FOXP1: variants seen among roughly 807,000 people sequenced by gnomAD.
FOXP1 encodes forkhead box protein P1.
In FOXP1, 15 loss-of-function variants were observed where a neutral mutation model predicts 98.2. The ratio of observed to expected loss-of-function variants is 0.15; its 90% confidence interval spans 0.10 to 0.24. The LOEUF (loss-of-function observed/expected upper bound fraction) is 0.24. Among genes scored for constraint, FOXP1 ranks in the 10% least tolerant of loss-of-function variants. The probability of loss-of-function intolerance (pLI) is 1.00; values close to 1 mark genes in which losing one functional copy is unlikely to be tolerated. For missense variants in FOXP1, 633 were observed against 848.5 expected, an observed-to-expected ratio of 0.75 and a Z score of 3.15; for synonymous variants, 371 against 314.5, an observed-to-expected ratio of 1.18 and a Z score of -1.90.
At position 71,571,902 on chromosome 3, in the gene FOXP1, A is replaced by T. The variant is rs575996318; in HGVS notation, c.-298+9647T>A. The T allele has an allele frequency of 1.1e-4, 17 of 152,360 alleles. No individual in the cohort carries two copies. The South Asian group carries it at 3.5e-3, about 32-fold the overall frequency. 9.4% of individuals were successfully genotyped at this position (152,360 alleles called of 1,614,324 possible). A position where few individuals can be genotyped will look rare whatever the true frequency, so the allele number is the denominator to read the frequency against. ...TGGCTTATGCAGCAAGTTTGATAACAGAGATGAAAGTAGACACACACTATT... is the reference window on the plus strand; with the variant it reads ...TGGCTTATGCAGCAAGTTTGATAACTGAGATGAAAGTAGACACACACTATT... On this transcript the variant is annotated intron_variant, in intron 2 of 20. Coordinates refer to ENST00000649528, the MANE Select transcript of FOXP1 (RefSeq NM_001349338.3).
rs1036010621 is a variant in FOXP1, at chr3:71,064,573, G to A, written c.283-10800C>T. On this transcript the variant is annotated intron_variant, in intron 7 of 20. Coordinates refer to ENST00000649528, the MANE Select transcript of FOXP1 (RefSeq NM_001349338.3). ...AGCCAAAGAGCAAGGGGGGTGGGGGGGTATCTCTCTCCAGGACCCACAGGC... is the reference window on the plus strand; with the variant it reads ...AGCCAAAGAGCAAGGGGGGTGGGGGAGTATCTCTCTCCAGGACCCACAGGC... Among the ~76,000 whole-genome samples the A allele has an allele frequency of 1.3e-5, 2 of 151,670 alleles. 1 individual carries two copies. The highest frequency in any genetic ancestry group is 4.2e-4 in the South Asian group (2 of 4,812).
chr3:71,104,216 T>C (rs1023366961), intron 7 of FOXP1, among the ~76,000 whole-genome samples: 1 of 152,132 alleles, frequency 6.6e-6, no homozygotes, highest in Non-Finnish European at 1.5e-5. Flanking sequence ...TCATGATTAT[T>C]TGCTTACATT....
At chr3:71,467,399 C>T (rs1172051581) in intron 3 of FOXP1, among the ~76,000 whole-genome samples, 1 of 152,104 alleles carries the variant, frequency 6.6e-6, no homozygotes, top group African/African-American at 2.4e-5. Flanking sequence ...TAGAAGGATA[C>T]ATGGGTAGGT....
chr3:71,102,711 G>T (rs1011656209), intron 7 of FOXP1, among the ~76,000 whole-genome samples: 4 of 152,106 alleles, frequency 2.6e-5, no homozygotes, highest in African/African-American at 9.7e-5. Flanking sequence ...GGTGTGGTCT[G>T]GTGGTTAGCG....
At chr3:71,252,662 T>C (rs2068294360) in intron 5 of FOXP1, among the ~76,000 whole-genome samples, 4 of 152,184 alleles carry the variant, frequency 2.6e-5, no homozygotes, top group Admixed American at 2.6e-4. Context: ...ACACCCTTAC[T>C]TGACAGGTAC....
At chr3:70,992,632 G>T (rs1426535401) in intron 13 of FOXP1, among the ~76,000 whole-genome samples, 1 of 152,050 alleles carries the variant, frequency 6.6e-6, no homozygotes, top group Non-Finnish European at 1.5e-5. Flanking sequence ...CCCAATCGAA[G>T]AATTTCCCTA....
intron 2 of FOXP1, chr3:71,574,207 A>T (rs186152151): frequency 6.6e-6 from 1 of 152,348 alleles, no homozygotes; most frequent in Non-Finnish European, 1.5e-5. Context: ...CAAACTGTGA[A>T]GTTCTAAACG....
At chr3:71,084,423 A>G (rs924092167) in intron 7 of FOXP1, among the ~76,000 whole-genome samples, 4 of 150,786 alleles carry the variant, frequency 2.7e-5, no homozygotes, top group Admixed American at 2.0e-4. Flanking sequence ...TTTGTTTCTC[A>G]TTTTTCCTGA....
rs1292141576 is a variant in FOXP1, at chr3:71,386,560, G to A, written c.-167-27316C>T. ...GATCAAGACCATCCTGGCCATTATGGTGAAACCCCGTCTCTACTAAAAATA... is the reference window on the plus strand; with the variant it reads ...GATCAAGACCATCCTGGCCATTATGATGAAACCCCGTCTCTACTAAAAATA... On this transcript the variant is annotated intron_variant, in intron 3 of 20. Transcript: ENST00000649528. Among the ~76,000 whole-genome samples, 3 of 152,042 alleles carry A rather than the reference G, an allele frequency of 2.0e-5. No homozygotes were observed. The East Asian group carries it at 5.8e-4, about 29-fold the overall frequency.
In FOXP1 at chr3:71,216,936, A is replaced by G. The variant is rs1222505143; in HGVS notation, c.-11-18544T>C. ...GGAATCTGGTGGGGAGAGGCTGGGGATGCTGTCGGACATCCTACAATGCAC... is the reference window on the plus strand; with the variant it reads ...GGAATCTGGTGGGGAGAGGCTGGGGGTGCTGTCGGACATCCTACAATGCAC... On this transcript the variant is annotated intron_variant, in intron 5 of 20. Coordinates refer to ENST00000649528, the MANE Select transcript of FOXP1 (RefSeq NM_001349338.3). Among the ~76,000 whole-genome samples the G allele has an allele frequency of 2.6e-5, 4 of 152,118 alleles. No individual in the cohort carries two copies. The East Asian group carries it at 7.7e-4, about 29-fold the overall frequency.
Position 71,311,793 on chromosome 3 carries a change from T to C in FOXP1, c.-72-11913A>G, listed in dbSNP as rs573579431. Among the ~76,000 whole-genome samples the C allele has an allele frequency of 2.9e-3, 441 of 152,294 alleles. 1 individual carries two copies. Among genetic ancestry groups the C allele is most frequent in the African/African-American group, 1.0e-2 (415 of 41,562 alleles). On this transcript the variant is annotated intron_variant, in intron 4 of 20. Coordinates refer to ENST00000649528, the MANE Select transcript of FOXP1 (RefSeq NM_001349338.3). Reference sequence around the variant, plus strand: ...CTGAGAGTGATCTCAAAGTAGAAACTTACCTTTTGGCCACCACCAAAGTGG... The same window carrying C: ...CTGAGAGTGATCTCAAAGTAGAAACCTACCTTTTGGCCACCACCAAAGTGG...
chr3:71,143,407 C>T (rs902691252), intron 6 of FOXP1, among the ~76,000 whole-genome samples: 4 of 152,174 alleles, frequency 2.6e-5, no homozygotes, highest in African/African-American at 9.7e-5. Context: ...AAAACCCTGT[C>T]TCTCATCTTC....
At chr3:71,531,488 T>C (rs1278309598) in intron 2 of FOXP1, among the ~76,000 whole-genome samples, 4 of 152,120 alleles carry the variant, frequency 2.6e-5, no homozygotes. Context: ...GGAGCTCTAC[T>C]TGAGGAACAA....
intron 4 of FOXP1, among the ~76,000 whole-genome samples, chr3:71,330,708 G>A (rs2076239201): frequency 6.6e-6 from 1 of 152,180 alleles, no homozygotes; most frequent in African/African-American, 2.4e-5. Flanking sequence ...ATATTATGCA[G>A]CCATTAAAAA....
rs1389608345 is a variant in FOXP1 at position 71,492,837 on chromosome 3, C to T, written c.-168+589G>A. ...TGAGGAACAGGATGGATGGAAAACA[C>T]ACTTAGAGAAAAATATCATCATGTC... is the stretch of plus-strand genomic sequence containing the variant. On this transcript the variant is annotated intron_variant, in intron 3 of 20. Coordinates refer to ENST00000649528, the MANE Select transcript of FOXP1 (RefSeq NM_001349338.3). Among the ~76,000 whole-genome samples, 4 of 152,150 alleles carry T rather than the reference C, an allele frequency of 2.6e-5. 1 individual carries two copies. The highest frequency in any genetic ancestry group is 5.9e-5 in the Non-Finnish European group (4 of 68,018).
chr3:71,396,353 G>A (rs1402928635), intron 3 of FOXP1, among the ~76,000 whole-genome samples: 2 of 152,046 alleles, frequency 1.3e-5, no homozygotes, highest in African/African-American at 4.8e-5. Flanking sequence ...CGTGCACCTG[G>A]GACGTTAGTT....
intron 12 of FOXP1, among the ~76,000 whole-genome samples, chr3:71,010,816 G>C (rs1455259293): frequency 1.3e-5 from 2 of 151,824 alleles, no homozygotes; most frequent in East Asian, 3.9e-4. Context: ...ATCACTCTCT[G>C]ATGACAATAA....
intron 13 of FOXP1, among the ~76,000 whole-genome samples, 169 bp from the exon 14 acceptor site, chr3:70,988,246 G>C (rs559697176): frequency 6.6e-6 from 1 of 152,216 alleles, no homozygotes; most frequent in Non-Finnish European, 1.5e-5. Context: ...CGAAGTAACC[G>C]GAGGTGTTGG....
chr3:70,977,774 T>G (rs2037880368), intron 15 of FOXP1, 52 bp from the exon 16 acceptor site: 1 of 1,611,092 alleles, frequency 6.2e-7, no homozygotes, highest in East Asian at 2.2e-5. Flanking sequence ...AAGGGGCTGG[T>G]CTACAAGAAT....
Sources: gnomAD v4.1 joint callset for allele counts (sites outside exome capture counted in the v4.1 genomes callset) on GRCh38, gnomAD v4.1.1 for gene constraint, MANE v1.5 for transcripts, NCBI Gene and HGNC (gene_info 2026-07-23, HGNC 2026-07-21) for gene names.